FRMPD2: variants seen among roughly 807,000 people sequenced by gnomAD.
FRMPD2 encodes FERM and PDZ domain containing 2, also known as FERM and PDZ domain-containing protein 2.
FRMPD2 carries 96 observed loss-of-function variants against 140.1 expected under a neutral mutation model. The ratio of observed to expected loss-of-function variants is 0.69; its 90% CI spans 0.58 to 0.81. The LOEUF is 0.81. Ranked by LOEUF, FRMPD2 falls within the 40% of genes least tolerant of loss-of-function variation. FRMPD2 has a pLI of 0.00. For missense variants in FRMPD2, 1,240 were observed against 1,447.4 expected (o/e 0.86, Z 2.32); for synonymous variants, 449 against 547.6 (o/e 0.82, Z 2.52).
At chr10:48,167,785 AC>A (rs1338247907) in intron 27 of FRMPD2, among the ~76,000 whole-genome samples, 137 of 152,198 alleles carry the variant, frequency 9.0e-4, no homozygotes, top group African/African-American at 3.1e-3. Context: ...ATGTGATTTG[AC>A]ATTTAAATCA....
chr10:48,274,645 C>A lies in FRMPD2; in HGVS notation c.-78G>T. 1 of 1,396,466 alleles carries A rather than the reference C, an allele frequency of 7.2e-7. No homozygotes were observed. The highest frequency in any genetic ancestry group is 1.0e-6 in the Non-Finnish European group (1 of 986,948). The allele number at this position is 1,396,466 out of a possible 1,614,324, so 86.5% of individuals were successfully genotyped here. A position where few individuals can be genotyped will look rare whatever the true frequency, so the allele number is the denominator to read the frequency against. On this transcript the variant is annotated 5_prime_UTR_variant, in exon 1 of 29. Coordinates refer to ENST00000374201, the MANE Select transcript of FRMPD2 (RefSeq NM_001018071.4). The stretch of plus-strand genomic sequence containing the variant: ...CAAGGAGCAGGGGTCTCTTGCAAGT[C>A]TGTCCGCGGAGCTCCCTGCCACCAG...
At chr10:48,202,507 A>G (rs957183771) in intron 14 of FRMPD2, among the ~76,000 whole-genome samples, 4 of 152,214 alleles carry the variant, frequency 2.6e-5, no homozygotes, top group African/African-American at 9.6e-5. Context: ...ACTTTTACTG[A>G]CAAGTATAGT....
intron 16 of FRMPD2, among the ~76,000 whole-genome samples, chr10:48,190,374 G>T (rs1313945571): frequency 6.6e-6 from 1 of 152,188 alleles, no homozygotes; most frequent in Admixed American, 6.5e-5. Flanking sequence ...CCAAAGGGAA[G>T]TAGGAGCCAT....
intron 21 of FRMPD2, among the ~76,000 whole-genome samples, chr10:48,179,542 C>T (rs1277874854): frequency 6.6e-6 from 1 of 151,364 alleles, no homozygotes; most frequent in South Asian, 2.1e-4. Context: ...CAAATATACT[C>T]AGGGAGAACT....
chr10:48,222,740 T>C (rs937055802), intron 11 of FRMPD2, among the ~76,000 whole-genome samples: 16 of 152,184 alleles, frequency 1.1e-4, no homozygotes, highest in African/African-American at 3.9e-4. Flanking sequence ...GTGGTGTTTC[T>C]AATAAACAAA....
intron 1 of FRMPD2, among the ~76,000 whole-genome samples, chr10:48,270,633 T>G (rs1487114503): frequency 1.3e-5 from 2 of 152,086 alleles, no homozygotes; most frequent in Non-Finnish European, 2.9e-5. Context: ...CTTGAGCTCC[T>G]GCTTGGTGAT....
chr10:48,221,515 T>A (rs1839585683), intron 12 of FRMPD2, among the ~76,000 whole-genome samples: 1 of 152,124 alleles, frequency 6.6e-6, no homozygotes, highest in Admixed American at 6.5e-5. Context: ...GCACCAAAAT[T>A]TCAGTAATCA....
intron 1 of FRMPD2, among the ~76,000 whole-genome samples, chr10:48,261,546 A>G (rs1437697599): frequency 1.3e-5 from 2 of 152,178 alleles, no homozygotes; most frequent in South Asian, 2.1e-4. Context: ...AGAACTCTGT[A>G]TACTGCAAAG....
chr10:48,160,263 TAG>T (rs1163417315), intron 28 of FRMPD2, among the ~76,000 whole-genome samples: 5 of 151,652 alleles, frequency 3.3e-5, no homozygotes, highest in African/African-American at 1.2e-4. Flanking sequence ...TCTCTAGATA[TAG>T]AGTGTGAGAA....
intron 12 of FRMPD2, among the ~76,000 whole-genome samples, chr10:48,218,327 G>A (rs575488280): frequency 8.5e-5 from 13 of 152,330 alleles, no homozygotes; most frequent in South Asian, 2.1e-4. Flanking sequence ...CCCCGATGAC[G>A]TAGCAGACTA....
intron 10 of FRMPD2, among the ~76,000 whole-genome samples, chr10:48,225,261 C>T (rs1839696462): frequency 6.6e-6 from 1 of 152,150 alleles, no homozygotes; most frequent in South Asian, 2.1e-4. Flanking sequence ...TTATGTCTAA[C>T]CCTGATAAAG....
intron 1 of FRMPD2, among the ~76,000 whole-genome samples, chr10:48,255,088 T>TG (rs146436370): frequency 5.3e-5 from 8 of 152,072 alleles, no homozygotes; most frequent in African/African-American, 7.2e-5. Context: ...ATGGGCATTT[T>TG]GGGGGGGCCC....
intron 12 of FRMPD2, among the ~76,000 whole-genome samples, chr10:48,217,970 A>C (rs1330060971): frequency 1.3e-5 from 2 of 152,184 alleles, no homozygotes; most frequent in East Asian, 1.9e-4. Context: ...AGGGGGCTTA[A>C]ACAATAGAAG....
At chr10:48,257,426 C>T (rs1238901572) in intron 1 of FRMPD2, among the ~76,000 whole-genome samples, 1 of 151,694 alleles carries the variant, frequency 6.6e-6, no homozygotes, top group East Asian at 1.9e-4. Context: ...ATTACAGGCT[C>T]CCACCATCAC....
At chr10:48,194,924 G>T (rs1838918087) in intron 15 of FRMPD2, among the ~76,000 whole-genome samples, 3 of 152,180 alleles carry the variant, frequency 2.0e-5, no homozygotes, top group Admixed American at 1.3e-4. Context: ...AGGAAGCATT[G>T]CCACGAATGT....
chr10:48,181,857 T>TAATATATATATATATATATATA (rs1168209520), intron 20 of FRMPD2, among the ~76,000 whole-genome samples: 1 of 36,074 alleles, frequency 2.8e-5, no homozygotes, highest in African/African-American at 1.3e-4. Flanking sequence ...ATATATTCCC[T>TAATATATATATATATATATATA]CATATATATA....
At chr10:48,258,032 G>A (rs1412943311) in intron 1 of FRMPD2, among the ~76,000 whole-genome samples, 1 of 152,152 alleles carries the variant, frequency 6.6e-6, no homozygotes, top group Non-Finnish European at 1.5e-5. Context: ...TGACACCCTA[G>A]GAAGGAACCA....
At chr10:48,178,628 C>T (rs1283505381) in intron 21 of FRMPD2, among the ~76,000 whole-genome samples, 10 of 152,268 alleles carry the variant, frequency 6.6e-5, no homozygotes, top group African/African-American at 1.4e-4. Context: ...ACAAAGTTGG[C>T]CAAGAGACCC....
chr10:48,193,021 T>G (rs1258518831), intron 15 of FRMPD2, 127 bp from the exon 16 acceptor site: 1 of 709,084 alleles, frequency 1.4e-6, no homozygotes, highest in Non-Finnish European at 2.4e-6. Flanking sequence ...GCTGCTATTT[T>G]GTCTCCTGTG....
Sources: gnomAD v4.1 joint callset for allele counts (sites outside exome capture counted in the v4.1 genomes callset) on GRCh38, gnomAD v4.1.1 for gene constraint, MANE v1.5 for transcripts, NCBI Gene and HGNC (gene_info 2026-07-23, HGNC 2026-07-21) for gene names.